Variants in KPNA1 observed in about 807,000 individuals in gnomAD.
KPNA1 encodes the protein importin subunit alpha-5.
A neutral mutation model predicts 70.5 loss-of-function variants in KPNA1; 10 were observed. That is an observed-to-expected ratio of 0.14 (90% CI 0.09 to 0.24). KPNA1 has a LOEUF of 0.24. KPNA1 is among the 10% of genes least tolerant of loss of function. The probability of loss-of-function intolerance (pLI) is 1.00; values close to 1 mark genes in which losing one functional copy is unlikely to be tolerated. For missense variants in KPNA1, 397 were observed against 637.9 expected (o/e 0.62, Z 4.07); for synonymous variants, 192 against 221.9 (o/e 0.87, Z 1.20).
At chr3:122,478,669 A>G (rs922450528) in intron 2 of KPNA1, among the ~76,000 whole-genome samples, 11 of 151,388 alleles carry the variant, frequency 7.3e-5, no homozygotes, top group African/African-American at 2.7e-4. Context: ...CGGAAGTTGC[A>G]GTGAGCCAAG....
At chr3:122,448,648 C>T (rs756442005) in intron 9 of KPNA1, among the ~76,000 whole-genome samples, 4 of 151,578 alleles carry the variant, frequency 2.6e-5, no homozygotes, top group African/African-American at 7.3e-5. Context: ...ATGTAAATGA[C>T]GAGTTAATTG....
intron 2 of KPNA1, among the ~76,000 whole-genome samples, chr3:122,475,122 A>G (rs941732869): frequency 6.6e-6 from 1 of 152,230 alleles, no homozygotes; most frequent in African/African-American, 2.4e-5. Flanking sequence ...GACTCCGCCA[A>G]TAAACTGTTA....
At position 122,423,409 on chromosome 3, in the gene KPNA1, GCAAA is replaced by G. The variant is rs1475557130; in HGVS notation, c.*3572_*3575del. ...TTAGCATACAGTATGAAAGTTGAAA[GCAAA>G]CAATGCTGGTTTCTAAAAGTGGATC... On this transcript the variant is annotated 3_prime_UTR_variant, in exon 14 of 14. Transcript: ENST00000344337. The G allele has an allele frequency of 6.6e-6, 1 of 152,170 alleles. No individual in the cohort carries two copies. The highest frequency in any genetic ancestry group is 2.4e-5 in the African/African-American group (1 of 41,438). 9.4% of individuals were successfully genotyped at this position (152,170 alleles called of 1,614,324 possible). A position where few individuals can be genotyped will look rare whatever the true frequency, so the allele number is the denominator to read the frequency against.
At chr3:122,472,664 A>G (rs922266103) in intron 2 of KPNA1, among the ~76,000 whole-genome samples, 1 of 152,146 alleles carries the variant, frequency 6.6e-6, no homozygotes, top group Non-Finnish European at 1.5e-5. Flanking sequence ...TGAAAAGACC[A>G]ATTAAATCAT....
intron 5 of KPNA1, among the ~76,000 whole-genome samples, chr3:122,457,256 T>G (rs1386154879): frequency 6.6e-6 from 1 of 152,194 alleles, no homozygotes; most frequent in East Asian, 1.9e-4. Context: ...GGTACTAGAT[T>G]AGAATTTAAC....
intron 1 of KPNA1, among the ~76,000 whole-genome samples, chr3:122,503,062 A>C (rs908845986): frequency 2.6e-5 from 4 of 152,090 alleles, no homozygotes; most frequent in Non-Finnish European, 5.9e-5. Context: ...CGCACCACTG[A>C]GCAAAATCCC....
At chr3:122,461,825 T>C (rs1430908342) in intron 4 of KPNA1, among the ~76,000 whole-genome samples, 2 of 152,210 alleles carry the variant, frequency 1.3e-5, no homozygotes, top group African/African-American at 2.4e-5. Flanking sequence ...CTTTCATTCA[T>C]GATAATACAG....
At chr3:122,496,918 G>A (rs2076768538) in intron 1 of KPNA1, among the ~76,000 whole-genome samples, 1 of 152,164 alleles carries the variant, frequency 6.6e-6, no homozygotes, top group African/African-American at 2.4e-5. Context: ...TGCCCAGGCT[G>A]GTCTTGAACT....
chr3:122,439,753 G>A (rs1272190103), intron 10 of KPNA1, among the ~76,000 whole-genome samples: 6 of 152,118 alleles, frequency 3.9e-5, no homozygotes, highest in Admixed American at 6.5e-5. Flanking sequence ...AACAACCTGT[G>A]TGTGTGACAA....
intron 1 of KPNA1, among the ~76,000 whole-genome samples, chr3:122,512,461 C>A (rs1161500341): frequency 6.6e-6 from 1 of 152,224 alleles, no homozygotes; most frequent in Non-Finnish European, 1.5e-5. Flanking sequence ...GTGGCTCATG[C>A]CTGTAATCCT....
chr3:122,468,987 TG>T (rs2076412063), intron 2 of KPNA1, among the ~76,000 whole-genome samples: 1 of 152,136 alleles, frequency 6.6e-6, no homozygotes, highest in Admixed American at 6.5e-5. Context: ...AAACATGGAA[TG>T]GAACTATCAG....
chr3:122,460,724 T>C, intron 5 of KPNA1: 2 of 933,404 alleles, frequency 2.1e-6, no homozygotes, highest in Non-Finnish European at 2.6e-6. Flanking sequence ...AGTACAGTAC[T>C]GAAAGCCTAA....
intron 11 of KPNA1, among the ~76,000 whole-genome samples, chr3:122,434,426 C>A (rs2075957386): frequency 6.6e-6 from 1 of 151,270 alleles, no homozygotes. Context: ...AGCATGTGAA[C>A]TTCCATGTGC....
chr3:122,484,637 C>T (rs1417477510), intron 2 of KPNA1, among the ~76,000 whole-genome samples: 3 of 149,176 alleles, frequency 2.0e-5, no homozygotes, highest in Non-Finnish European at 4.4e-5. Flanking sequence ...AGTGAGACTC[C>T]GTCTCAAAAA....
chr3:122,495,561 C>T (rs965312367), intron 2 of KPNA1, among the ~76,000 whole-genome samples: 1 of 151,848 alleles, frequency 6.6e-6, no homozygotes, highest in Non-Finnish European at 1.5e-5. Flanking sequence ...GATTATCTAA[C>T]GCAGTGTTTC....
At chr3:122,511,154 T>A (rs575606352) in intron 1 of KPNA1, among the ~76,000 whole-genome samples, 1 of 152,314 alleles carries the variant, frequency 6.6e-6, no homozygotes, top group South Asian at 2.1e-4. Context: ...GACCCATCAA[T>A]AGATGTCAGA....
chr3:122,432,069 TG>T (rs1470243963), intron 12 of KPNA1, among the ~76,000 whole-genome samples: 1 of 152,226 alleles, frequency 6.6e-6, no homozygotes, highest in Admixed American at 6.5e-5. Context: ...CCCAAAGTGG[TG>T]GGATTACAGA....
chr3:122,486,141 A>G (rs1394074514), intron 2 of KPNA1, among the ~76,000 whole-genome samples: 3 of 152,240 alleles, frequency 2.0e-5, no homozygotes, highest in Admixed American at 2.0e-4. Flanking sequence ...GAGGGAAAAG[A>G]AAAGTTATAT....
intron 2 of KPNA1, among the ~76,000 whole-genome samples, chr3:122,477,888 G>A (rs564263484): frequency 5.5e-4 from 83 of 150,946 alleles, no homozygotes; most frequent in African/African-American, 1.9e-3. Flanking sequence ...TCCAGGCTGC[G>A]TGCAATGGCT....
Sources: gnomAD v4.1 joint callset for allele counts (sites outside exome capture counted in the v4.1 genomes callset) on GRCh38, gnomAD v4.1.1 for gene constraint, MANE v1.5 for transcripts, NCBI Gene and HGNC (gene_info 2026-07-23, HGNC 2026-07-21) for gene names.